FHOD3: variants seen among roughly 807,000 people sequenced by gnomAD.
The protein encoded by FHOD3 is FH1/FH2 domain-containing protein 3.
In FHOD3, 90 loss-of-function variants were observed where a neutral mutation model predicts 173.0. The ratio of observed to expected loss-of-function variants is 0.52; its 90% confidence interval spans 0.44 to 0.62. The LOEUF is 0.62. Ranked by LOEUF, FHOD3 falls within the 20% of genes least tolerant of loss-of-function variation. The pLI is 0.00. For missense variants in FHOD3, 1,945 were observed against 2,034.7 expected, an observed-to-expected ratio of 0.96 and a Z score of 0.85; for synonymous variants, 828 against 823.0, an observed-to-expected ratio of 1.01 and a Z score of -0.10.
intron 2 of FHOD3, among the ~76,000 whole-genome samples, chr18:36,370,627 C>G (rs1037628983): frequency 3.1e-4 from 47 of 152,304 alleles, no homozygotes; most frequent in African/African-American, 1.1e-3. Context: ...AACTTGGGGG[C>G]ATTCTGAAAT....
intron 8 of FHOD3, among the ~76,000 whole-genome samples, chr18:36,603,337 C>T (rs1001857242): frequency 2.0e-4 from 31 of 152,006 alleles, no homozygotes; most frequent in Admixed American, 2.6e-4. Flanking sequence ...ATCCTTTATG[C>T]GACACGTGGA....
intron 11 of FHOD3, among the ~76,000 whole-genome samples, chr18:36,652,269 C>T (rs571069994): frequency 6.6e-6 from 1 of 152,202 alleles, no homozygotes; most frequent in Admixed American, 6.5e-5. Flanking sequence ...GTCTTTGGGG[C>T]TCCAGTAAAT....
intron 5 of FHOD3, among the ~76,000 whole-genome samples, chr18:36,524,148 A>T (rs960747280): frequency 9.2e-5 from 14 of 151,944 alleles, no homozygotes. Context: ...AGGGTGAGGT[A>T]GTGCATGCCT....
chr18:36,371,658 T>A (rs1240522689), intron 2 of FHOD3, among the ~76,000 whole-genome samples: 1 of 152,314 alleles, frequency 6.6e-6, no homozygotes, highest in South Asian at 2.1e-4. Context: ...GAATAAAAAA[T>A]GTAATTGATG....
At chr18:36,628,281 A>G (rs1160551898) in intron 10 of FHOD3, among the ~76,000 whole-genome samples, 1 of 152,164 alleles carries the variant, frequency 6.6e-6, no homozygotes, top group Non-Finnish European at 1.5e-5. Flanking sequence ...AAGGGCTATG[A>G]CCAAGGGCTG....
intron 19 of FHOD3, among the ~76,000 whole-genome samples, chr18:36,723,197 G>T (rs1024831633): frequency 6.6e-6 from 1 of 152,206 alleles, no homozygotes; most frequent in Non-Finnish European, 1.5e-5. Context: ...CAGGAAGTCT[G>T]TTTAACAGTT....
chr18:36,589,521 G>A (rs2059141273), intron 6 of FHOD3, among the ~76,000 whole-genome samples: 1 of 152,160 alleles, frequency 6.6e-6, no homozygotes, highest in Non-Finnish European at 1.5e-5. Flanking sequence ...CTACAATGCC[G>A]GAGCTGTCCT....
At chr18:36,323,473 C>T (rs1254873408) in intron 1 of FHOD3, among the ~76,000 whole-genome samples, 1 of 152,206 alleles carries the variant, frequency 6.6e-6, no homozygotes, top group African/African-American at 2.4e-5. Context: ...CATCAGGCAT[C>T]AGGATGCCTT....
At chr18:36,538,505 G>A (rs2057080434) in intron 5 of FHOD3, among the ~76,000 whole-genome samples, 1 of 152,188 alleles carries the variant, frequency 6.6e-6, no homozygotes, top group African/African-American at 2.4e-5. Context: ...AGATTCTGCA[G>A]TATCAAATGG....
intron 7 of FHOD3, among the ~76,000 whole-genome samples, chr18:36,600,277 A>ACACACG (rs1056012622): frequency 4.0e-5 from 6 of 151,776 alleles, no homozygotes; most frequent in Admixed American, 2.0e-4. Context: ...ACACACACAC[A>ACACACG]CACACACACA....
chr18:36,660,276 A>G (rs1342402486), intron 14 of FHOD3, among the ~76,000 whole-genome samples: 1 of 152,108 alleles, frequency 6.6e-6, no homozygotes, highest in Non-Finnish European at 1.5e-5. Context: ...CAAAAACAAA[A>G]CAAAAACAAA....
chr18:36,552,587 C>A (rs774361420), intron 5 of FHOD3, among the ~76,000 whole-genome samples: 48 of 151,890 alleles, frequency 3.2e-4, no homozygotes, highest in Non-Finnish European at 6.5e-4. Flanking sequence ...CAAGCTCCGC[C>A]TCCCAGGTTC....
At chr18:36,665,806 G>T (rs1175036956) in intron 14 of FHOD3, among the ~76,000 whole-genome samples, 1 of 152,170 alleles carries the variant, frequency 6.6e-6, no homozygotes, top group Admixed American at 6.5e-5. Context: ...GCAAGGCCTG[G>T]GAGCCACGTA....
chr18:36,446,180 C>T (rs1297666747), intron 3 of FHOD3, among the ~76,000 whole-genome samples: 2 of 152,178 alleles, frequency 1.3e-5, no homozygotes, highest in African/African-American at 2.4e-5. Context: ...AAAACCAGAC[C>T]TCGTGGTAGG....
chr18:36,555,637 G>A (rs941906301), intron 5 of FHOD3, among the ~76,000 whole-genome samples: 3 of 152,014 alleles, frequency 2.0e-5, no homozygotes, highest in Non-Finnish European at 4.4e-5. Flanking sequence ...TATTGTTGAC[G>A]TTTCCAACCA....
At chr18:36,355,442 A>AT (rs2046315397) in intron 1 of FHOD3, 97 bp from the exon 2 acceptor site, 1 of 958,318 alleles carries the variant, frequency 1.0e-6, no homozygotes, top group Non-Finnish European at 1.6e-6. Context: ...ACATTGCTTG[A>AT]TTTTACAAAA....
chr18:36,628,777 C>G (rs1026994054), intron 10 of FHOD3, among the ~76,000 whole-genome samples: 3 of 152,178 alleles, frequency 2.0e-5, no homozygotes, highest in African/African-American at 7.2e-5. Flanking sequence ...CTGTCAAGTT[C>G]CCAAGAGATG....
At chr18:36,404,238 T>A (rs2048955988) in intron 3 of FHOD3, among the ~76,000 whole-genome samples, 1 of 152,196 alleles carries the variant, frequency 6.6e-6, no homozygotes, top group Non-Finnish European at 1.5e-5. Context: ...AGGTCAGCCA[T>A]CTGCTGAGGT....
chr18:36,378,144 A>G (rs2047540030), intron 3 of FHOD3, among the ~76,000 whole-genome samples: 2 of 152,076 alleles, frequency 1.3e-5, no homozygotes, highest in Admixed American at 1.3e-4. Flanking sequence ...CATTCTTCCA[A>G]AGATGTTCAT....
Sources: gnomAD v4.1 joint callset for allele counts (sites outside exome capture counted in the v4.1 genomes callset) on GRCh38, gnomAD v4.1.1 for gene constraint, MANE v1.5 for transcripts, NCBI Gene and HGNC (gene_info 2026-07-23, HGNC 2026-07-21) for gene names.